TBX4: variants seen among roughly 807,000 people sequenced by gnomAD.
TBX4 encodes the protein T-box transcription factor TBX4.
A neutral mutation model predicts 54.6 loss-of-function variants in TBX4; 13 were observed. The ratio of observed to expected loss-of-function variants is 0.24; its 90% CI spans 0.15 to 0.38. The LOEUF (loss-of-function observed/expected upper bound fraction) is 0.38. Among genes scored for constraint, TBX4 ranks in the 10% least tolerant of loss-of-function variants. The probability of loss-of-function intolerance (pLI) is 1.00; values close to 1 mark genes in which losing one functional copy is unlikely to be tolerated. For missense variants in TBX4, 631 were observed against 728.5 expected, an observed-to-expected ratio of 0.87 and a Z score of 1.54; for synonymous variants, 314 against 306.7, an observed-to-expected ratio of 1.02 and a Z score of -0.25.
chr17:61,457,496 T>G lies in TBX4; in HGVS notation c.187-41T>G. Reference sequence around the variant, plus strand: ...TTTCCTCAGGCTCCGCGTGGAGCCCTGGGCCTGGCAGACACAAGTTTCTCT... The same window carrying G: ...TTTCCTCAGGCTCCGCGTGGAGCCCGGGGCCTGGCAGACACAAGTTTCTCT... On this transcript the variant is annotated intron_variant, in intron 2 of 8. Transcript: ENST00000644296. The surrounding 1 kb of genome is among the most constrained non-coding windows in gnomAD (Gnocchi z 8.2). The G allele has an allele frequency of 6.3e-7, 1 of 1,590,918 alleles. No homozygotes were observed. The highest frequency in any genetic ancestry group is 8.6e-7 in the Non-Finnish European group (1 of 1,159,354).
Position 61,457,726 on chromosome 17 carries a change from C to A in TBX4, c.281+95C>A. On this transcript the variant is annotated intron_variant, in intron 3 of 8. Coordinates refer to ENST00000644296, the MANE Select transcript of TBX4 (RefSeq NM_001321120.2). The surrounding 1 kb of genome is among the most constrained non-coding windows in gnomAD (Gnocchi z 8.2). ...AGTCCTCTCGGCCCCGGCCTGGTGG[C>A]CTGTGGGAGGCCTCTCTGCCTCCTC... The A allele has an allele frequency of 1.6e-6, 2 of 1,228,616 alleles. No homozygotes were observed. Among genetic ancestry groups the A allele is most frequent in the Non-Finnish European group, 2.3e-6 (2 of 853,556 alleles). 76.1% of individuals were successfully genotyped at this position (1,228,616 alleles called of 1,614,324 possible). A position where few individuals can be genotyped will look rare whatever the true frequency, so the allele number is the denominator to read the frequency against.
In TBX4 at chr17:61,461,431, C is replaced by G. The variant is rs1036209891; in HGVS notation, c.281+3800C>G. On this transcript the variant is annotated intron_variant, in intron 3 of 8. Transcript: ENST00000644296. The surrounding 1 kb of genome is among the most constrained non-coding windows in gnomAD (Gnocchi z 5.1). The stretch of plus-strand genomic sequence containing the variant: ...GGATGCTGGGCCCTGGCCTCTTCCC[C>G]GTACACCCAGGATTCCTCCTGAAAA... Among the ~76,000 whole-genome samples, 11 of 152,138 alleles carry G rather than the reference C, an allele frequency of 7.2e-5. No individual in the cohort carries two copies. Among genetic ancestry groups the G allele is most frequent in the African/African-American group, 2.4e-4 (10 of 41,422 alleles).
In TBX4 at chr17:61,480,386, T is replaced by A; in HGVS notation, c.1021+67T>A. 2 of 1,201,624 alleles carry A rather than the reference T, an allele frequency of 1.7e-6. No homozygotes were observed. The highest frequency in any genetic ancestry group is 2.4e-6 in the Non-Finnish European group (2 of 847,818). The allele number at this position is 1,201,624 out of a possible 1,614,324, so 74.4% of individuals were successfully genotyped here. On this transcript the variant is annotated intron_variant, in intron 8 of 8. Coordinates refer to ENST00000644296, the MANE Select transcript of TBX4 (RefSeq NM_001321120.2). The surrounding 1 kb of genome is among the most constrained non-coding windows in gnomAD (Gnocchi z 6.2). ...GCGGTGAGGTTCTCCCCGAAACCACTCTGCAGCGCCCCCCCCCCCAACACA... is the reference window on the plus strand; with the variant it reads ...GCGGTGAGGTTCTCCCCGAAACCACACTGCAGCGCCCCCCCCCCCAACACA...
intron 1 of TBX4, among the ~76,000 whole-genome samples, chr17:61,455,083 C>T (rs940739482): frequency 6.6e-6 from 1 of 152,248 alleles, no homozygotes; most frequent in African/African-American, 2.4e-5. Context: ...AGTCTCACTC[C>T]CTGCAGGCTG....
intron 1 of TBX4, among the ~76,000 whole-genome samples, chr17:61,455,129 T>C (rs924096493): frequency 6.6e-6 from 1 of 152,222 alleles, no homozygotes; most frequent in African/African-American, 2.4e-5. Flanking sequence ...ACCTTATCTT[T>C]ATGGGTTTTT....
Position 61,462,583 on chromosome 17 carries a change from C to A in TBX4, c.282-3236C>A, listed in dbSNP as rs1287179850. 5.3e-5 allele frequency among the ~76,000 whole-genome samples: 8 copies of A among 150,110 alleles called. No individual in the cohort carries two copies. Among genetic ancestry groups the A allele is most frequent in the Admixed American group, 5.3e-4 (8 of 15,056 alleles). On this transcript the variant is annotated intron_variant, in intron 3 of 8. Transcript: ENST00000644296. The surrounding 1 kb of genome is among the most constrained non-coding windows in gnomAD (Gnocchi z 4.5). Reference sequence around the variant, plus strand: ...AGAGGGGGAGCGCGCAAGGAGGGGGCTGGCTGGGGCGGACCCAGAGGTAGA... The same window carrying A: ...AGAGGGGGAGCGCGCAAGGAGGGGGATGGCTGGGGCGGACCCAGAGGTAGA...
rs773396940 is a variant in TBX4, at chr17:61,480,154, G to A, written c.856G>A (p.Ala286Thr). ...RQRLISPQLS[A>T]TPDVGPLLGT... is the part of the protein sequence containing the mutation. Reference sequence around the variant, plus strand: ...GAGGCTCATCTCCCCCCAGCTCTCAGCCACACCGGACGTGGGCCCCCTGCT... The same window carrying A: ...GAGGCTCATCTCCCCCCAGCTCTCAACCACACCGGACGTGGGCCCCCTGCT... Residue 286 changes from alanine to threonine, a missense_variant, in exon 8 of 9, where the codon GCC becomes ACC. By Grantham distance (58) the Ala-to-Thr change is moderately conservative (BLOSUM62 0). This residue lies in a region of TBX4 where 354 missense variants were observed against 368.9 expected (regional missense o/e 0.96). Coordinates refer to ENST00000644296, the MANE Select transcript of TBX4 (RefSeq NM_001321120.2). The surrounding 1 kb of genome is among the most constrained non-coding windows in gnomAD (Gnocchi z 6.2). 2.2e-5 allele frequency: 35 copies of A among 1,614,078 alleles called. No individual in the cohort carries two copies. In the Middle Eastern group the frequency reaches 2.0e-3, roughly 91 times the overall value.
At position 61,456,591 on chromosome 17, in the gene TBX4, T is replaced by C. The variant is rs2060451970; in HGVS notation, c.101T>C (p.Leu34Pro). 6.5e-7 allele frequency: 1 copy of C among 1,529,872 alleles called. No homozygotes were observed. The highest frequency in any genetic ancestry group is 8.8e-7 in the Non-Finnish European group (1 of 1,137,564). The allele number at this position is 1,529,872 out of a possible 1,614,324, so 94.8% of individuals were successfully genotyped here. A position where few individuals can be genotyped will look rare whatever the true frequency, so the allele number is the denominator to read the frequency against. Reference sequence around the variant, plus strand: ...GCAGCCAACGCCCCCGAGCCCGCGCTGGCAGCGCCGGGCCTCAGCGGAGCC... The same window carrying C: ...GCAGCCAACGCCCCCGAGCCCGCGCCGGCAGCGCCGGGCCTCAGCGGAGCC... ...ASAANAPEPALAAPGLSGAAL... is the reference protein window; with the variant it reads ...ASAANAPEPAPAAPGLSGAAL... The change falls in exon 2 of 9, where the codon CTG (leucine) becomes CCG (proline). Residue 34 changes from leucine (L) to proline (P), a missense_variant. Physicochemically the swap from Leu to Pro is moderately conservative, Grantham distance 98 (BLOSUM62 -3). This residue lies in a region of TBX4 where 123 missense variants were observed against 120.9 expected (regional missense o/e 1.02). Coordinates refer to ENST00000644296, the MANE Select transcript of TBX4 (RefSeq NM_001321120.2).
rs934895299 is a variant in TBX4 at position 61,462,783 on chromosome 17, C to G, written c.282-3036C>G. 6.6e-6 allele frequency: 1 copy of G among 152,228 alleles called. No homozygotes were observed. Among genetic ancestry groups the G allele is most frequent in the Non-Finnish European group, 1.5e-5 (1 of 68,050 alleles). 9.4% of individuals were successfully genotyped at this position (152,228 alleles called of 1,614,324 possible). A position where few individuals can be genotyped will look rare whatever the true frequency, so the allele number is the denominator to read the frequency against. On this transcript the variant is annotated intron_variant, in intron 3 of 8. Transcript: ENST00000644296. This position sits in a 1 kb window ranked among gnomAD's most constrained non-coding sequence, Gnocchi z 4.5. ...GTTGGTTTTCAGGTACATTCTATGT[C>G]ATAAATCACAGAAACAATTTACATC...
rs1360841649 is a variant in TBX4, at chr17:61,483,191, C to T, written c.1316C>T (p.Pro439Leu). The T allele has an allele frequency of 5.6e-6, 9 of 1,614,018 alleles. No individual in the cohort carries two copies. The highest frequency in any genetic ancestry group is 2.2e-5 in the East Asian group (1 of 44,884). ...SYSVQTMETV[P>L]YQPFPTHFTA... ...AGCGTGCAGACGATGGAGACTGTGCCGTACCAGCCCTTCCCCACGCACTTC... is the reference window on the plus strand; with the variant it reads ...AGCGTGCAGACGATGGAGACTGTGCTGTACCAGCCCTTCCCCACGCACTTC... Residue 439 changes from proline (P) to leucine (L), a missense_variant, in exon 9 of 9, where the codon CCG (proline) becomes CTG (leucine). Physicochemically the swap from Pro to Leu is moderately conservative, Grantham distance 98. Around this residue, in one of 3 missense-constraint regions of TBX4, gnomAD observed 354 missense variants for 368.9 expected, o/e 0.96. Coordinates refer to ENST00000644296, the MANE Select transcript of TBX4 (RefSeq NM_001321120.2). This position sits in a 1 kb window ranked among gnomAD's most constrained non-coding sequence, Gnocchi z 6.6.
chr17:61,458,334 G>A (rs1402279803), intron 3 of TBX4, among the ~76,000 whole-genome samples: 1 of 151,754 alleles, frequency 6.6e-6, no homozygotes, highest in African/African-American at 2.4e-5. Flanking sequence ...TGGGGCTGGT[G>A]GGGTGGGGGC....
intron 2 of TBX4, 34 bp downstream of exon 2, chr17:61,456,710 G>T: frequency 7.4e-7 from 1 of 1,357,016 alleles, no homozygotes. Context: ...TAGAAGTCGG[G>T]CGTCGGTCTG....
Position 61,475,596 on chromosome 17 carries a change from G to A in TBX4, c.550-3031G>A, listed in dbSNP as rs1366758342. 6.6e-6 allele frequency among the ~76,000 whole-genome samples: 1 copy of A among 152,180 alleles called. No homozygotes were observed. Among genetic ancestry groups the A allele is most frequent in the Admixed American group, 6.5e-5 (1 of 15,280 alleles). On this transcript the variant is annotated intron_variant, in intron 5 of 8. Coordinates refer to ENST00000644296, the MANE Select transcript of TBX4 (RefSeq NM_001321120.2). This position sits in a 1 kb window ranked among gnomAD's most constrained non-coding sequence, Gnocchi z 5.0. ...TTTATAGATAGAGTCACAGGAATCG[G>A]TCACTGAGTGGACCTGGAGGTGGAT...
Position 61,478,395 on chromosome 17 carries a change from G to T in TBX4, c.550-232G>T. 1.7e-6 allele frequency: 1 copy of T among 592,234 alleles called. No individual in the cohort carries two copies. Among genetic ancestry groups the T allele is most frequent in the Non-Finnish European group, 3.0e-6 (1 of 334,690 alleles). 36.7% of individuals were successfully genotyped at this position (592,234 alleles called of 1,614,324 possible). On this transcript the variant is annotated intron_variant, in intron 5 of 8. Transcript: ENST00000644296. The surrounding 1 kb of genome is among the most constrained non-coding windows in gnomAD (Gnocchi z 7.4). ...CAACTGGTCACATCAAGGAGGGCCT[G>T]GAGCTGGGCATTAGTGCTGGTGCAG...
In TBX4 at chr17:61,468,857, T is replaced by C. The variant is rs555073580; in HGVS notation, c.549+1200T>C. On this transcript the variant is annotated intron_variant, in intron 5 of 8. Coordinates refer to ENST00000644296, the MANE Select transcript of TBX4 (RefSeq NM_001321120.2). ...ATTTCAGCTGAGAGGCAGAGGGGCT[T>C]CCTGGGTCTCCCTGGGCACCATCCT... Among the ~76,000 whole-genome samples, 146 of 152,282 alleles carry C rather than the reference T, an allele frequency of 9.6e-4. 1 individual carries two copies. The highest frequency in any genetic ancestry group is 3.5e-3 in the African/African-American group (145 of 41,562).
chr17:61,473,127 A>G (rs534040964), intron 5 of TBX4, among the ~76,000 whole-genome samples: 46 of 152,348 alleles, frequency 3.0e-4, no homozygotes, highest in African/African-American at 1.0e-3. Context: ...GAAGACTGAT[A>G]GGAAGGCTTT....
At chr17:61,482,872 T>C in intron 8 of TBX4, 25 bp from the exon 9 acceptor site, 1 of 1,611,720 alleles carries the variant, frequency 6.2e-7, no homozygotes, top group Admixed American at 1.7e-5. Flanking sequence ...AAATGGTTCT[T>C]CCTGAATGTT....
Position 61,483,171 on chromosome 17 carries a change from G to T in TBX4, c.1296G>T (p.Val432=). 6.2e-7 allele frequency: 1 copy of T among 1,614,160 alleles called. No individual in the cohort carries two copies. Among genetic ancestry groups the T allele is most frequent in the Non-Finnish European group, 8.5e-7 (1 of 1,180,044 alleles). Residue 432 remains valine (V), a synonymous_variant, in exon 9 of 9, where the codon GTG becomes GTT. Coordinates refer to ENST00000644296, the MANE Select transcript of TBX4 (RefSeq NM_001321120.2). The surrounding 1 kb of genome is among the most constrained non-coding windows in gnomAD (Gnocchi z 6.6). The stretch of plus-strand genomic sequence containing the variant: ...TGTCGCCGTACACCAGCTATAGCGT[G>T]CAGACGATGGAGACTGTGCCGTACC... ...TSVSPYTSYS[V]QTMETVPYQP... is the part of the protein sequence containing the mutation.
intron 3 of TBX4, among the ~76,000 whole-genome samples, chr17:61,458,400 G>A (rs2060470687): frequency 6.6e-6 from 1 of 151,944 alleles, no homozygotes; most frequent in African/African-American, 2.4e-5. Flanking sequence ...AGACAGAGAC[G>A]CTGGCAAGTT....
Sources: gnomAD v4.1 joint callset for allele counts (sites outside exome capture counted in the v4.1 genomes callset) on GRCh38, gnomAD v4.1.1 for gene constraint, gnomAD v4.1.1 regional missense constraint, Gnocchi (gnomAD v3.1) non-coding constraint, MANE v1.5 for transcripts, NCBI Gene and HGNC (gene_info 2026-07-23, HGNC 2026-07-21) for gene names.